Variants in LRRN2 observed in about 807,000 individuals in gnomAD.
LRRN2 encodes the protein leucine rich repeat neuronal 2.
Under a neutral mutation model 35.7 loss-of-function variants are expected in LRRN2, and 10 were observed. That is an observed-to-expected ratio of 0.28 (90% confidence interval 0.17 to 0.47). The LOEUF is 0.47. Ranked by LOEUF, LRRN2 falls within the 20% of genes least tolerant of loss-of-function variation. The probability of loss-of-function intolerance (pLI) is 0.99; values close to 1 mark genes in which losing one functional copy is unlikely to be tolerated. For synonymous variants in LRRN2, 391 were observed against 409.6 expected (o/e 0.95, Z 0.55); for missense variants, 731 against 940.3 (o/e 0.78, Z 2.91).
At chr1:204,680,095 T>A (rs1668915375) in intron 1 of LRRN2, among the ~76,000 whole-genome samples, 1 of 152,164 alleles carries the variant, frequency 6.6e-6, no homozygotes, top group African/African-American at 2.4e-5. Flanking sequence ...AAGGGCTAAC[T>A]CCCTCCCTTG....
Position 204,618,586 on chromosome 1 carries a change from A to G in LRRN2, c.1407T>C (p.His469=). Residue 469 remains histidine (H), a synonymous_variant, in exon 2 of 2, where the codon CAT becomes CAC. Transcript: ENST00000367177. ...TPAGLRLTPA[H]AGRRYRVYPE... ...GGTACACCCGGTACCTCCTGCCTGCATGGGCAGGTGTCAGTCGAAGCCCAG... is the reference window on the plus strand; with the variant it reads ...GGTACACCCGGTACCTCCTGCCTGCGTGGGCAGGTGTCAGTCGAAGCCCAG... 6.2e-7 allele frequency: 1 copy of G among 1,613,966 alleles called. No homozygotes were observed. The highest frequency in any genetic ancestry group is 8.5e-7 in the Non-Finnish European group (1 of 1,179,978).
chr1:204,632,368 C>T (rs923913208), intron 1 of LRRN2, among the ~76,000 whole-genome samples: 1 of 151,818 alleles, frequency 6.6e-6, no homozygotes, highest in African/African-American at 2.4e-5. Flanking sequence ...TGGTGGCTCA[C>T]ACCTGTAATC....
intron 1 of LRRN2, among the ~76,000 whole-genome samples, chr1:204,670,180 T>A (rs962712033): frequency 1.4e-5 from 2 of 147,392 alleles, no homozygotes; most frequent in African/African-American, 5.0e-5. Context: ...TGGGGAGGAG[T>A]GGAGTGGATG....
Position 204,623,627 on chromosome 1 carries a change from C to T in LRRN2, c.-226-3409G>A, listed in dbSNP as rs372784981. Among the ~76,000 whole-genome samples the T allele has an allele frequency of 9.2e-5, 14 of 152,220 alleles. No homozygotes were observed. In the East Asian group the frequency reaches 1.3e-3, roughly 15 times the overall value. On this transcript the variant is annotated intron_variant, in intron 1 of 1. Coordinates refer to ENST00000367177, the MANE Select transcript of LRRN2 (RefSeq NM_201630.2). ...ACCTAAGGCTGCCTTGCACATGGCC[C>T]GCTCATGCAGGCTGATTAGCAGTTT...
chr1:204,638,319 T>TG (rs757845029), intron 1 of LRRN2, among the ~76,000 whole-genome samples: 2 of 151,378 alleles, frequency 1.3e-5, no homozygotes, highest in African/African-American at 4.9e-5. Context: ...CCCGCACCGT[T>TG]GGAGTCAGAA....
intron 1 of LRRN2, among the ~76,000 whole-genome samples, chr1:204,655,512 T>C (rs566437969): frequency 8.5e-5 from 13 of 152,050 alleles, no homozygotes; most frequent in Admixed American, 6.5e-5. Context: ...CCCAGGCTGA[T>C]CTTGAACTCC....
intron 1 of LRRN2, among the ~76,000 whole-genome samples, chr1:204,631,356 A>G (rs1480695210): frequency 7.7e-6 from 1 of 129,100 alleles, no homozygotes; most frequent in Admixed American, 8.5e-5. Flanking sequence ...GACTCCCCTC[A>G]CCTCCTCTGT....
chr1:204,645,825 G>A (rs965754214), intron 1 of LRRN2, among the ~76,000 whole-genome samples: 2 of 152,112 alleles, frequency 1.3e-5, no homozygotes, highest in Non-Finnish European at 2.9e-5. Context: ...AAAACCATCA[G>A]ATCTCATGAG....
At chr1:204,666,989 C>G (rs905841639) in intron 1 of LRRN2, among the ~76,000 whole-genome samples, 6 of 138,640 alleles carry the variant, frequency 4.3e-5, no homozygotes, top group African/African-American at 1.0e-4. Flanking sequence ...AAAAAAAAGC[C>G]AACAGCAAAA....
At chr1:204,630,386 A>G (rs1473059480) in intron 1 of LRRN2, among the ~76,000 whole-genome samples, 1 of 152,226 alleles carries the variant, frequency 6.6e-6, no homozygotes, top group Non-Finnish European at 1.5e-5. Context: ...AATGGGGAGC[A>G]GCCCAGTTAA....
intron 1 of LRRN2, among the ~76,000 whole-genome samples, chr1:204,642,990 C>T (rs527355962): frequency 3.3e-5 from 5 of 152,162 alleles, no homozygotes; most frequent in African/African-American, 4.8e-5. Context: ...TCCTGATTGT[C>T]GGGCAGCCCA....
chr1:204,647,324 C>T (rs1207922018), intron 1 of LRRN2, among the ~76,000 whole-genome samples: 3 of 152,114 alleles, frequency 2.0e-5, no homozygotes, highest in Admixed American at 2.0e-4. Context: ...TAGATACCAC[C>T]ACACTGTTAC....
At chr1:204,680,264 T>G (rs1668918945) in intron 1 of LRRN2, among the ~76,000 whole-genome samples, 1 of 152,146 alleles carries the variant, frequency 6.6e-6, no homozygotes, top group South Asian at 2.1e-4. Context: ...TGGCACACAG[T>G]AAATGCTCAA....
intron 1 of LRRN2, among the ~76,000 whole-genome samples, chr1:204,650,730 C>T (rs1449121648): frequency 6.6e-6 from 1 of 152,232 alleles, no homozygotes; most frequent in Non-Finnish European, 1.5e-5. Flanking sequence ...CAACAACCCA[C>T]TGTGTGCCAA....
chr1:204,670,631 A>G (rs1558422198), intron 1 of LRRN2, among the ~76,000 whole-genome samples: 1 of 152,130 alleles, frequency 6.6e-6, no homozygotes, highest in African/African-American at 2.4e-5. Context: ...CCAACATTTA[A>G]AGATCAAGAC....
intron 1 of LRRN2, among the ~76,000 whole-genome samples, chr1:204,623,887 A>T (rs1667111230): frequency 6.6e-6 from 1 of 152,150 alleles, no homozygotes; most frequent in Admixed American, 6.5e-5. Flanking sequence ...ATTGCATTTA[A>T]TCCCCCCAAC....
At chr1:204,652,681 T>C (rs773747728) in intron 1 of LRRN2, among the ~76,000 whole-genome samples, 40 of 152,280 alleles carry the variant, frequency 2.6e-4, no homozygotes, top group East Asian at 1.2e-3. Context: ...AATCCAATAT[T>C]TCTCAAACTA....
chr1:204,675,623 TG>T (rs1387085876), intron 1 of LRRN2, among the ~76,000 whole-genome samples: 1 of 152,216 alleles, frequency 6.6e-6, no homozygotes, highest in East Asian at 1.9e-4. Context: ...GTGATTACAC[TG>T]GGCCCACCCA....
chr1:204,655,616 T>C (rs1668332428), intron 1 of LRRN2, among the ~76,000 whole-genome samples: 1 of 151,842 alleles, frequency 6.6e-6, no homozygotes, highest in East Asian at 1.9e-4. Flanking sequence ...TTTTTGTTTT[T>C]TTTTTTCTCC....
Sources: gnomAD v4.1 joint callset for allele counts (sites outside exome capture counted in the v4.1 genomes callset) on GRCh38, gnomAD v4.1.1 for gene constraint, MANE v1.5 for transcripts, NCBI Gene and HGNC (gene_info 2026-07-23, HGNC 2026-07-21) for gene names.